The following TSPEAR variants were observed in gnomAD, a reference collection of about 807,000 sequenced individuals.
The protein encoded by TSPEAR is thrombospondin type laminin G domain and EAR repeats.
In TSPEAR, 69 loss-of-function variants were observed where a neutral mutation model predicts 71.6. The ratio of observed to expected loss-of-function variants is 0.96; its 90% CI spans 0.79 to 1.18. TSPEAR has a LOEUF of 1.18. Among genes scored for constraint, TSPEAR ranks in the 50% most tolerant of loss-of-function variants. TSPEAR has a pLI of 0.00. For missense variants in TSPEAR, 971 were observed against 894.9 expected (o/e 1.09, Z -1.09); for synonymous variants, 402 against 387.2 (o/e 1.04, Z -0.45).
intron 10 of TSPEAR, chr21:44,508,550 C>T (rs1478452948): frequency 2.7e-6 from 3 of 1,119,852 alleles, no homozygotes; most frequent in Non-Finnish European, 3.3e-6. Context: ...GAATTCCACC[C>T]CAGAGGACGC....
chr21:44,630,877 G>A (rs1387838296), intron 1 of TSPEAR, among the ~76,000 whole-genome samples: 1 of 152,158 alleles, frequency 6.6e-6, no homozygotes, highest in African/African-American at 2.4e-5. Context: ...AAAGAGTATA[G>A]TCATTACTAA....
intron 1 of TSPEAR, among the ~76,000 whole-genome samples, chr21:44,633,037 T>C (rs781991501): frequency 6.0e-5 from 9 of 151,226 alleles, no homozygotes; most frequent in Non-Finnish European, 1.3e-4. Flanking sequence ...ATATATTCTC[T>C]TATAGTCTTT....
chr21:44,654,355 G>A (rs1555942078), intron 1 of TSPEAR: 2 of 1,614,128 alleles, frequency 1.2e-6, no homozygotes, highest in East Asian at 2.2e-5. Flanking sequence ...CCCAGAGGTT[G>A]GGCAGAAGGA....
chr21:44,530,385 A>T (rs1186763184), intron 4 of TSPEAR, among the ~76,000 whole-genome samples: 1 of 145,506 alleles, frequency 6.9e-6, no homozygotes, highest in East Asian at 2.0e-4. Flanking sequence ...TCCATCACTC[A>T]TCCATCCATC....
At chr21:44,637,007 C>T (rs797031673) in intron 1 of TSPEAR, among the ~76,000 whole-genome samples, 13 of 152,342 alleles carry the variant, frequency 8.5e-5, no homozygotes, top group Middle Eastern at 3.4e-3. Flanking sequence ...CAGCCCACCC[C>T]GTGAGGTCCC....
At chr21:44,572,398 G>C (rs1344181810) in intron 1 of TSPEAR, among the ~76,000 whole-genome samples, 1 of 152,102 alleles carries the variant, frequency 6.6e-6, no homozygotes, top group East Asian at 1.9e-4. Context: ...GTGTCGGGAA[G>C]CTGGCAAAGG....
rs782668308 is a variant in TSPEAR at position 44,531,153 on chromosome 21, G to A, written c.543-20C>T. 4 of 1,603,982 alleles carry A rather than the reference G, an allele frequency of 2.5e-6. No homozygotes were observed. Among genetic ancestry groups the A allele is most frequent in the African/African-American group, 1.3e-5 (1 of 74,878 alleles). On this transcript the variant is annotated intron_variant, in intron 3 of 11. Transcript: ENST00000323084. ...GCCATTCTGAAAATATCAAAGGACT[G>A]TGTTAGGGCCATAGGAGAGTGGTCA...
At position 44,504,784 on chromosome 21, in the gene TSPEAR, A is replaced by T. The variant is rs781868760; in HGVS notation, c.1852T>A (p.Tyr618Asn). ...CCGGCCTCGGCAGCTCATTACCTGT[A>T]AATAATACTGTTCACCGAGAAGGTA... ...GRTFSVNSII[Y>N]RWQGYEGFVA... The change falls in exon 11 of 12, where the codon TAC (tyrosine) becomes AAC (asparagine). Residue 618 changes from tyrosine to asparagine, a missense_variant. Transcript: ENST00000323084. 6 of 1,612,966 alleles carry T rather than the reference A, an allele frequency of 3.7e-6. No individual in the cohort carries two copies. The highest frequency in any genetic ancestry group is 1.7e-5 in the Admixed American group (1 of 60,012).
intron 1 of TSPEAR, among the ~76,000 whole-genome samples, chr21:44,579,038 T>A (rs1241942791): frequency 6.6e-6 from 1 of 151,756 alleles, no homozygotes; most frequent in African/African-American, 2.4e-5. Flanking sequence ...CCCCTCCCTC[T>A]CCCCCCGCAT....
intron 1 of TSPEAR, among the ~76,000 whole-genome samples, chr21:44,704,155 T>C (rs950677598): frequency 6.6e-6 from 1 of 152,082 alleles, no homozygotes; most frequent in Admixed American, 6.5e-5. Context: ...TTGGTGTAAA[T>C]GGGTTCAGAC....
rs587665326 is a variant in TSPEAR, at chr21:44,551,097, C to T, written c.303+16688G>A. On this transcript the variant is annotated intron_variant, in intron 2 of 11. Coordinates refer to ENST00000323084, the MANE Select transcript of TSPEAR (RefSeq NM_144991.3). ...AGCTGGCTGGCAGCTAGACTGCTGG[C>T]AGCATGAAGAAGCCCCACAGCAGAC... 17 of 1,576,114 alleles carry T rather than the reference C, an allele frequency of 1.1e-5. No homozygotes were observed. The South Asian group carries it at 1.8e-4, about 17-fold the overall frequency.
At chr21:44,501,077 T>G (rs2052020708) in intron 11 of TSPEAR, among the ~76,000 whole-genome samples, 2 of 152,256 alleles carry the variant, frequency 1.3e-5, no homozygotes, top group African/African-American at 4.8e-5. Flanking sequence ...CTTTGTTTTC[T>G]TCCAGATTAC....
At chr21:44,657,270 C>T (rs149661786) in intron 1 of TSPEAR, among the ~76,000 whole-genome samples, 1 of 152,326 alleles carries the variant, frequency 6.6e-6, no homozygotes, top group East Asian at 1.9e-4. Context: ...GAGGCCAAGA[C>T]CTCGTTGCTG....
chr21:44,503,290 T>A (rs1219087459), intron 11 of TSPEAR, among the ~76,000 whole-genome samples: 50 of 114,770 alleles, frequency 4.4e-4, no homozygotes, highest in African/African-American at 1.6e-3. Context: ...CGGTGAGCCC[T>A]CGGGGGGAAG....
At chr21:44,589,719 G>A (rs1009010685) in intron 1 of TSPEAR, among the ~76,000 whole-genome samples, 27 of 152,322 alleles carry the variant, frequency 1.8e-4, no homozygotes, top group East Asian at 5.8e-4. Flanking sequence ...TGCCTCGGAC[G>A]AGGGCAGGTG....
intron 3 of TSPEAR, 133 bp from the exon 4 acceptor site, chr21:44,531,266 AC>A (rs2145982222): frequency 1.4e-6 from 1 of 693,636 alleles, no homozygotes; most frequent in African/African-American, 1.8e-5. Flanking sequence ...AGGATGGCAC[AC>A]AGGGCTGATC....
chr21:44,664,150 T>C (rs1555944254), intron 1 of TSPEAR, among the ~76,000 whole-genome samples: 1 of 152,044 alleles, frequency 6.6e-6, no homozygotes, highest in African/African-American at 2.4e-5. Context: ...AATAACACAG[T>C]CTCTATTAAC....
At position 44,687,504 on chromosome 21, in the gene TSPEAR, C is replaced by T. The variant is rs782393496; in HGVS notation, c.82+23929G>A. 1.3e-5 allele frequency among the ~76,000 whole-genome samples: 2 copies of T among 152,202 alleles called. No homozygotes were observed. Among genetic ancestry groups the T allele is most frequent in the Non-Finnish European group, 2.9e-5 (2 of 68,030 alleles). The stretch of plus-strand genomic sequence containing the variant: ...GCAACAGGAACGCATCGCAGAAACA[C>T]CGCGCGGGGTGGGAGAGGCCGGCAC... On this transcript the variant is annotated intron_variant, in intron 1 of 11. Transcript: ENST00000323084. This position sits in a 1 kb window ranked among gnomAD's most constrained non-coding sequence, Gnocchi z 4.4.
chr21:44,557,739 C>T (rs587723116), intron 2 of TSPEAR: 42 of 407,616 alleles, frequency 1.0e-4, no homozygotes, highest in Middle Eastern at 6.7e-4. Flanking sequence ...CCACGCGGCA[C>T]GTTGAAGTTC....
Sources: gnomAD v4.1 joint callset for allele counts (sites outside exome capture counted in the v4.1 genomes callset) on GRCh38, gnomAD v4.1.1 for gene constraint, Gnocchi (gnomAD v3.1) non-coding constraint, MANE v1.5 for transcripts, NCBI Gene and HGNC (gene_info 2026-07-23, HGNC 2026-07-21) for gene names.